GABRB1: variants seen among roughly 807,000 people sequenced by gnomAD.
GABRB1 encodes gamma-aminobutyric acid receptor subunit beta-1.
GABRB1 carries 17 observed loss-of-function variants against 51.6 expected under a neutral mutation model. The ratio of observed to expected loss-of-function variants is 0.33; its 90% CI spans 0.23 to 0.49. The LOEUF is 0.49. Ranked by LOEUF, GABRB1 falls within the 20% of genes least tolerant of loss-of-function variation. GABRB1 has a pLI of 0.99. For missense variants in GABRB1, 410 were observed against 600.6 expected (o/e 0.68, Z 3.32); for synonymous variants, 247 against 218.9 (o/e 1.13, Z -1.14).
chr4:47,378,379 G>C lies in GABRB1; in HGVS notation c.545-24939G>C, dbSNP rs565899164. Reference sequence around the variant, plus strand: ...GGCTTGCCAAGCCCACACCCACCCGGAACTCGTGCTGGCCCGCAAGCACCG... The same window carrying C: ...GGCTTGCCAAGCCCACACCCACCCGCAACTCGTGCTGGCCCGCAAGCACCG... On this transcript the variant is annotated intron_variant, in intron 5 of 8. Coordinates refer to ENST00000295454, the MANE Select transcript of GABRB1 (RefSeq NM_000812.4). 9.0e-4 allele frequency among the ~76,000 whole-genome samples: 137 copies of C among 152,276 alleles called. 2 individuals carry two copies. The highest frequency in any genetic ancestry group is 1.3e-3 in the Non-Finnish European group (86 of 68,010).
chr4:47,253,275 T>C (rs922336509), intron 4 of GABRB1, among the ~76,000 whole-genome samples: 1 of 152,220 alleles, frequency 6.6e-6, no homozygotes, highest in Non-Finnish European at 1.5e-5. Context: ...AGGTTGTTAG[T>C]TGTTTATGTC....
At chr4:47,368,724 T>C (rs1727079969) in intron 5 of GABRB1, among the ~76,000 whole-genome samples, 1 of 152,128 alleles carries the variant, frequency 6.6e-6, no homozygotes, top group Non-Finnish European at 1.5e-5. Context: ...TAGGTTTTTA[T>C]GAATGTTAAT....
intron 2 of GABRB1, 134 bp downstream of exon 2, chr4:47,032,139 C>CAT (rs1725340296): frequency 6.9e-5 from 46 of 662,062 alleles, no homozygotes; most frequent in South Asian, 5.2e-4. Flanking sequence ...CACACACACA[C>CAT]ACACACACAC....
At chr4:47,123,874 TTATATATAA>T (rs1262936044) in intron 3 of GABRB1, among the ~76,000 whole-genome samples, 1,801 of 89,702 alleles carry the variant, frequency 0.02, 22 homozygotes, top group Non-Finnish European at 0.033. Context: ...GATATATATC[TTATATATAA>T]TATATATAAT....
chr4:47,236,376 G>A (rs1363708000), intron 4 of GABRB1, among the ~76,000 whole-genome samples: 3 of 151,892 alleles, frequency 2.0e-5, no homozygotes, highest in African/African-American at 7.3e-5. Flanking sequence ...TATAATTTAT[G>A]TAATTAACTC....
chr4:47,247,535 T>C (rs1396399255), intron 4 of GABRB1, among the ~76,000 whole-genome samples: 1 of 152,080 alleles, frequency 6.6e-6, no homozygotes, highest in Non-Finnish European at 1.5e-5. Context: ...GTTTTAGAAT[T>C]GTTTTTTCTA....
chr4:47,058,322 T>C (rs188281791), intron 3 of GABRB1, among the ~76,000 whole-genome samples: 1 of 152,344 alleles, frequency 6.6e-6, no homozygotes, highest in Non-Finnish European at 1.5e-5. Flanking sequence ...AAAGTCTATA[T>C]GGTTTCTATA....
intron 4 of GABRB1, among the ~76,000 whole-genome samples, chr4:47,186,222 G>C (rs1403700415): frequency 1.3e-5 from 2 of 150,738 alleles, no homozygotes; most frequent in East Asian, 3.9e-4. Flanking sequence ...TTGGTGGGGG[G>C]GCGGGGGGTA....
intron 3 of GABRB1, among the ~76,000 whole-genome samples, chr4:47,062,939 CCT>C (rs1726902178): frequency 6.6e-6 from 1 of 152,140 alleles, no homozygotes; most frequent in Non-Finnish European, 1.5e-5. Context: ...ATCTAACTAG[CCT>C]CTGAGTTTCC....
intron 3 of GABRB1, among the ~76,000 whole-genome samples, chr4:47,110,403 G>C (rs894406065): frequency 2.0e-5 from 3 of 151,870 alleles, no homozygotes; most frequent in Non-Finnish European, 2.9e-5. Flanking sequence ...TTTTCTTTTT[G>C]TTAATTGAAT....
chr4:47,001,507 C>T (rs1560491939), intron 1 of GABRB1, among the ~76,000 whole-genome samples: 1 of 152,168 alleles, frequency 6.6e-6, no homozygotes, highest in Non-Finnish European at 1.5e-5. Flanking sequence ...AATCAATAGA[C>T]TTTGAGTAAA....
At chr4:47,164,266 G>C (rs896330801) in intron 4 of GABRB1, among the ~76,000 whole-genome samples, 7 of 152,028 alleles carry the variant, frequency 4.6e-5, no homozygotes, top group African/African-American at 1.7e-4. Flanking sequence ...CATTGCTTCT[G>C]TGATCCTATG....
chr4:47,093,867 A>G (rs1162790635), intron 3 of GABRB1, among the ~76,000 whole-genome samples: 5 of 152,338 alleles, frequency 3.3e-5, no homozygotes, highest in Middle Eastern at 3.4e-3. Flanking sequence ...TTGGTAATAA[A>G]TAAGATTTTA....
chr4:47,148,522 A>G (rs572928551), intron 3 of GABRB1, among the ~76,000 whole-genome samples: 1 of 152,222 alleles, frequency 6.6e-6, no homozygotes, highest in East Asian at 1.9e-4. Context: ...CAAGGGAAAT[A>G]TAGTTGCTAC....
chr4:47,166,311 C>T (rs1349569793), intron 4 of GABRB1, among the ~76,000 whole-genome samples: 1 of 151,938 alleles, frequency 6.6e-6, no homozygotes, highest in Non-Finnish European at 1.5e-5. Context: ...CTCCCGCCTC[C>T]CTTTCCACCT....
intron 2 of GABRB1, 126 bp from the exon 3 acceptor site, chr4:47,032,291 G>A (rs1476426297): frequency 1.1e-6 from 1 of 901,116 alleles, no homozygotes. Context: ...TCCCCTGAAA[G>A]GGGTGGTGGG....
Position 47,252,211 on chromosome 4 carries a change from C to T in GABRB1, c.462-67916C>T, listed in dbSNP as rs1560298725. ...GGCCTTTCTGCTGCTTCCTCTACCC[C>T]TGTATTTCTCTTGGGTCTCTAAATT... On this transcript the variant is annotated intron_variant, in intron 4 of 8. Coordinates refer to ENST00000295454, the MANE Select transcript of GABRB1 (RefSeq NM_000812.4). Among the ~76,000 whole-genome samples, 2 of 151,920 alleles carry T rather than the reference C, an allele frequency of 1.3e-5. 1 individual carries two copies. Among genetic ancestry groups the T allele is most frequent in the East Asian group, 3.9e-4 (2 of 5,136 alleles).
intron 3 of GABRB1, 31 bp from the exon 4 acceptor site, chr4:47,161,218 T>TA (rs762169891): frequency 4.2e-6 from 1 of 238,238 alleles, no homozygotes; most frequent in Admixed American, 6.3e-5. Flanking sequence ...AGTAAAATTC[T>TA]TTTTTTTTTT....
intron 8 of GABRB1, among the ~76,000 whole-genome samples, chr4:47,408,401 A>C (rs1728647466): frequency 6.6e-6 from 1 of 152,222 alleles, no homozygotes. Context: ...GCCAAATTAT[A>C]AATTTTCAGG....
Sources: allele counts gnomAD v4.1 joint callset (sites outside exome capture counted in the v4.1 genomes callset), GRCh38; gene constraint gnomAD v4.1.1; transcripts MANE v1.5; gene names NCBI Gene and HGNC (gene_info 2026-07-23, HGNC 2026-07-21).